Variants in HCN2 observed in about 807,000 individuals in gnomAD.
The protein encoded by HCN2 is potassium/sodium hyperpolarization-activated cyclic nucleotide-gated channel 2.
HCN2 carries 20 observed loss-of-function variants against 52.3 expected under a neutral mutation model. The observed-to-expected ratio is 0.38, with a 90% CI of 0.27 to 0.56. The LOEUF is 0.56. Ranked by LOEUF, HCN2 falls within the 20% of genes least tolerant of loss-of-function variation. HCN2 has a pLI of 0.71. For synonymous variants in HCN2, 694 were observed against 537.0 expected (o/e 1.29, Z -4.04); for missense variants, 981 against 1,207.7 (o/e 0.81, Z 2.78).
Position 593,489 on chromosome 19 carries a change from G to A in HCN2, c.632+2912G>A, listed in dbSNP as rs957682275. On this transcript the variant is annotated intron_variant, in intron 1 of 7. Coordinates refer to ENST00000251287, the MANE Select transcript of HCN2 (RefSeq NM_001194.4). ...GCAAAAATTAGCTGGGCATCGTGAC[G>A]AGCGCCTGTAATCCCAGCTACTCGG... Among the ~76,000 whole-genome samples, 9 of 152,148 alleles carry A rather than the reference G, an allele frequency of 5.9e-5. No individual in the cohort carries two copies. In the East Asian group the frequency reaches 9.6e-4, roughly 16 times the overall value.
chr19:604,211 A>G (rs12981107), intron 2 of HCN2, among the ~76,000 whole-genome samples: 6 of 9,132 alleles, frequency 6.6e-4, no homozygotes, highest in Non-Finnish European at 6.2e-4. Flanking sequence ...GGCCCCAGGG[A>G]TGGGGCTATG....
rs779713856 is a variant in HCN2 at position 590,482 on chromosome 19, G to T, written c.537G>T (p.Ser179=). The T allele has an allele frequency of 1.3e-6, 2 of 1,523,242 alleles. No individual in the cohort carries two copies. 94.4% of individuals were successfully genotyped at this position (1,523,242 alleles called of 1,614,324 possible). A position where few individuals can be genotyped will look rare whatever the true frequency, so the allele number is the denominator to read the frequency against. The change falls in exon 1 of 8, where the codon TCG becomes TCT. Residue 179 remains serine, a synonymous_variant. Transcript: ENST00000251287. This position sits in a 1 kb window ranked among gnomAD's most constrained non-coding sequence, Gnocchi z 7.2. ...TGCAGCCGGGCGTCAACAAGTTCTC[G>T]CTGCGGATGTTCGGCAGCCAGAAGG... The part of the protein sequence containing the change: ...ALLQPGVNKF[S]LRMFGSQKAV...
At chr19:615,549 T>C (rs938319347) in intron 7 of HCN2, among the ~76,000 whole-genome samples, 3 of 152,178 alleles carry the variant, frequency 2.0e-5, no homozygotes, top group Admixed American at 2.0e-4. Context: ...GCTTTCTGTA[T>C]GCAGGTGCTT....
chr19:605,319 A>G (rs1983387369), intron 3 of HCN2, 97 bp downstream of exon 3: 3 of 1,091,798 alleles, frequency 2.7e-6, no homozygotes, highest in East Asian at 5.4e-5. Context: ...GTTGAACCCA[A>G]GCCTTTCAGA....
At position 592,737 on chromosome 19, in the gene HCN2, T is replaced by C. The variant is rs1234765393; in HGVS notation, c.632+2160T>C. Among the ~76,000 whole-genome samples the C allele has an allele frequency of 6.6e-6, 1 of 152,040 alleles. No homozygotes were observed. Among genetic ancestry groups the C allele is most frequent in the Non-Finnish European group, 1.5e-5 (1 of 67,998 alleles). The stretch of plus-strand genomic sequence containing the variant: ...GGGACCTGTGCCAGTGTGGAATCAG[T>C]GTGGAAAAAGACCCCCAAGAATATC... On this transcript the variant is annotated intron_variant, in intron 1 of 7. Transcript: ENST00000251287. This position sits in a 1 kb window ranked among gnomAD's most constrained non-coding sequence, Gnocchi z 4.8.
chr19:615,036 G>A (rs1194263832), intron 7 of HCN2, among the ~76,000 whole-genome samples: 4 of 152,122 alleles, frequency 2.6e-5, no homozygotes, highest in Admixed American at 6.5e-5. Flanking sequence ...CTGAGTATCA[G>A]GTGCTTAGGT....
chr19:609,727 C>T (rs1435134778), intron 4 of HCN2, among the ~76,000 whole-genome samples: 1 of 151,948 alleles, frequency 6.6e-6, no homozygotes, highest in Non-Finnish European at 1.5e-5. Context: ...ATGGCGAGAC[C>T]TCATCTCCAC....
chr19:610,535 C>T (rs1983583432), intron 5 of HCN2, 130 bp downstream of exon 5: 4 of 756,376 alleles, frequency 5.3e-6, no homozygotes, highest in Admixed American at 2.5e-5. Context: ...TCGAGCTAGA[C>T]CTGCGTACAC....
At position 603,979 on chromosome 19, in the gene HCN2, C is replaced by T. The variant is rs1320424925; in HGVS notation, c.1056+12C>T. The T allele has an allele frequency of 1.8e-4, 60 of 340,504 alleles. No individual in the cohort carries two copies. Among genetic ancestry groups the T allele is most frequent in the East Asian group, 4.2e-4 (5 of 11,968 alleles). 21.1% of individuals were successfully genotyped at this position (340,504 alleles called of 1,614,324 possible). On this transcript the variant is annotated intron_variant, in intron 2 of 7. Coordinates refer to ENST00000251287, the MANE Select transcript of HCN2 (RefSeq NM_001194.4). ...ATCAGTGGGAGGAGGTGAGGTGGGG[C>T]GGGGGCGGGGCCAAGGCAGCAGGGG...
chr19:604,620 GCTGGGCGGGGTCAGGCAGCAAGGGC>G, intron 2 of HCN2, among the ~76,000 whole-genome samples: 1 of 134,352 alleles, frequency 7.4e-6, no homozygotes, highest in Non-Finnish European at 1.6e-5. Flanking sequence ...TGAGGGTTGT[GCTGGGCGGGGTCAGGCAGCAAGGGC>G]GGGACTATGA....
At chr19:608,347 A>C (rs921600707) in intron 4 of HCN2, among the ~76,000 whole-genome samples, 165 bp downstream of exon 4, 2 of 125,582 alleles carry the variant, frequency 1.6e-5, no homozygotes, top group African/African-American at 5.6e-5. Flanking sequence ...CTGAGGGCGG[A>C]GGTAGTCCTT....
At chr19:614,600 G>A (rs1231977768) in intron 7 of HCN2, among the ~76,000 whole-genome samples, 1 of 152,182 alleles carries the variant, frequency 6.6e-6, no homozygotes, top group African/African-American at 2.4e-5. Flanking sequence ...GTGGAAAAGA[G>A]GCCTAGAGTC....
intron 1 of HCN2, among the ~76,000 whole-genome samples, chr19:603,018 T>C (rs1382354180): frequency 9.8e-5 from 5 of 51,228 alleles, no homozygotes; most frequent in Admixed American, 2.1e-4. Context: ...GGGCTGGTCC[T>C]GCAGGCGCCT....
chr19:610,490 G>A (rs1290316075), intron 5 of HCN2, 85 bp downstream of exon 5: 58 of 1,246,606 alleles, frequency 4.7e-5, no homozygotes, highest in Non-Finnish European at 1.2e-6. Context: ...CGGTCCCTGA[G>A]GGAGGCGAGG....
In HCN2 at chr19:610,211, C is replaced by A. The variant is rs769522411; in HGVS notation, c.1438-48C>A. ...GTACAAGCAGGTGCCCCTGTGCCCGCTGCAGGCCGGGGGCGGTGTCTGACC... is the reference window on the plus strand; with the variant it reads ...GTACAAGCAGGTGCCCCTGTGCCCGATGCAGGCCGGGGGCGGTGTCTGACC... On this transcript the variant is annotated intron_variant, in intron 4 of 7. Coordinates refer to ENST00000251287, the MANE Select transcript of HCN2 (RefSeq NM_001194.4). 3.2e-6 allele frequency: 5 copies of A among 1,571,008 alleles called. No individual in the cohort carries two copies. In the East Asian group the frequency reaches 9.0e-5, roughly 28 times the overall value.
chr19:615,400 G>C (rs575301853), intron 7 of HCN2, among the ~76,000 whole-genome samples: 1 of 152,278 alleles, frequency 6.6e-6, no homozygotes, highest in African/African-American at 2.4e-5. Context: ...TGTAGTCCCA[G>C]CTACTCGGGA....
At chr19:602,351 A>C (rs1416378254) in intron 1 of HCN2, among the ~76,000 whole-genome samples, 1 of 47,754 alleles carries the variant, frequency 2.1e-5, no homozygotes, top group African/African-American at 8.5e-5. Context: ...TGGACGCCCC[A>C]CTTCCTCCTC....
At chr19:610,914 A>G (rs991950665) in intron 5 of HCN2, among the ~76,000 whole-genome samples, 8 of 151,558 alleles carry the variant, frequency 5.3e-5, no homozygotes, top group Non-Finnish European at 1.2e-4. Flanking sequence ...GGGCCGTGCT[A>G]CCCCCCCGGA....
At chr19:604,275 G>A (rs1201364940) in intron 2 of HCN2, among the ~76,000 whole-genome samples, 1 of 138,874 alleles carries the variant, frequency 7.2e-6, no homozygotes, top group Non-Finnish European at 1.6e-5. Flanking sequence ...AGATCTGGGT[G>A]GGGTCAAGGC....
Sources: gnomAD v4.1 joint callset for allele counts (sites outside exome capture counted in the v4.1 genomes callset) on GRCh38, gnomAD v4.1.1 for gene constraint, Gnocchi (gnomAD v3.1) non-coding constraint, MANE v1.5 for transcripts, NCBI Gene and HGNC (gene_info 2026-07-23, HGNC 2026-07-21) for gene names.